Variants in MACROD1 observed in about 807,000 individuals in gnomAD.
MACROD1 encodes the protein ADP-ribose glycohydrolase MACROD1.
Under a neutral mutation model 41.4 loss-of-function variants are expected in MACROD1, and 31 were observed. The ratio of observed to expected loss-of-function variants is 0.75; its 90% CI spans 0.56 to 1.01. The LOEUF is 1.01. MACROD1 is among the 50% of genes least tolerant of loss of function. The pLI is 0.00. For synonymous variants in MACROD1, 252 were observed against 203.4 expected (o/e 1.24, Z -2.03); for missense variants, 473 against 460.0 (o/e 1.03, Z -0.26).
intron 3 of MACROD1, chr11:64,116,892 C>T (rs745498000): frequency 1.9e-6 from 3 of 1,611,514 alleles, no homozygotes; most frequent in Non-Finnish European, 2.5e-6. Context: ...GGATGACAAC[C>T]GCATCTCCAC....
intron 3 of MACROD1, among the ~76,000 whole-genome samples, chr11:64,143,898 C>T (rs1472783494): frequency 6.6e-6 from 1 of 151,864 alleles, no homozygotes; most frequent in Non-Finnish European, 1.5e-5. Flanking sequence ...CATCTCTGAG[C>T]CTCCATTTCA....
Position 64,105,744 on chromosome 11 carries a change from C to T in MACROD1, c.517+45495G>A, listed in dbSNP as rs549977223. Among the ~76,000 whole-genome samples the T allele has an allele frequency of 1.2e-3, 183 of 152,288 alleles. 3 individuals carry two copies. In the South Asian group the frequency reaches 0.036, roughly 30 times the overall value. On this transcript the variant is annotated intron_variant, in intron 3 of 10. Coordinates refer to ENST00000255681, the MANE Select transcript of MACROD1 (RefSeq NM_014067.4). ...TTGAGACACTGTTCCCCAGCATCCT[C>T]CCTGTGCCAAACCCCTGGGAAAGGG...
At chr11:64,160,123 G>A (rs1232498250) in intron 1 of MACROD1, among the ~76,000 whole-genome samples, 2 of 152,162 alleles carry the variant, frequency 1.3e-5, no homozygotes, top group Non-Finnish European at 2.9e-5. Flanking sequence ...AAACGCCCGG[G>A]GAAGGGGATC....
intron 3 of MACROD1, among the ~76,000 whole-genome samples, chr11:64,097,831 G>A (rs1467569369): frequency 2.0e-5 from 3 of 152,180 alleles, no homozygotes; most frequent in Non-Finnish European, 4.4e-5. Flanking sequence ...GCCTGGGGCT[G>A]CAGGCTGCAG....
intron 3 of MACROD1, among the ~76,000 whole-genome samples, chr11:64,140,651 T>C (rs1214817331): frequency 6.6e-6 from 1 of 152,198 alleles, no homozygotes; most frequent in African/African-American, 2.4e-5. Flanking sequence ...CCAGACACTG[T>C]ACTGAGCATC....
intron 3 of MACROD1, among the ~76,000 whole-genome samples, chr11:64,038,281 C>G (rs752447578): frequency 3.9e-5 from 6 of 152,182 alleles, no homozygotes; most frequent in Admixed American, 1.3e-4. Flanking sequence ...ACTGGGTGAC[C>G]CTGGGCCTGC....
chr11:64,034,595 G>C (rs1328396883), intron 3 of MACROD1, among the ~76,000 whole-genome samples: 1 of 152,218 alleles, frequency 6.6e-6, no homozygotes, highest in Non-Finnish European at 1.5e-5. Context: ...TCCCGGACTG[G>C]GCGCAAGAGG....
rs1027197879 is a variant in MACROD1 at position 64,036,989 on chromosome 11, G to A, written c.518-21708C>T. On this transcript the variant is annotated intron_variant, in intron 3 of 10. Transcript: ENST00000255681. This position sits in a 1 kb window ranked among gnomAD's most constrained non-coding sequence, Gnocchi z 5.6. ...AGAAAGTTGTGGAACAGGGACACCA[G>A]GGAGCTGCCACAGCCTTCCCGGTGG... Among the ~76,000 whole-genome samples the A allele has an allele frequency of 6.6e-6, 1 of 152,240 alleles. No individual in the cohort carries two copies. Among genetic ancestry groups the A allele is most frequent in the African/African-American group, 2.4e-5 (1 of 41,476 alleles).
In MACROD1 at chr11:63,999,564, G is replaced by C; in HGVS notation, c.787-4C>G. On this transcript the variant is annotated splice_polypyrimidine_tract_variant and splice_region_variant and intron_variant, in intron 6 of 10. Coordinates refer to ENST00000255681, the MANE Select transcript of MACROD1 (RefSeq NM_014067.4). Reference sequence around the variant, plus strand: ...CGGTGGAGATGCAGGGGAACGCCTGGGCGGGGAGGGGTGAGAGGGGGTTGG... The same window carrying C: ...CGGTGGAGATGCAGGGGAACGCCTGCGCGGGGAGGGGTGAGAGGGGGTTGG... The C allele has an allele frequency of 6.2e-7, 1 of 1,609,984 alleles. No homozygotes were observed. Among genetic ancestry groups the C allele is most frequent in the African/African-American group, 1.3e-5 (1 of 75,020 alleles).
At chr11:64,107,775 C>T (rs1483905364) in intron 3 of MACROD1, among the ~76,000 whole-genome samples, 1 of 152,142 alleles carries the variant, frequency 6.6e-6, no homozygotes, top group African/African-American at 2.4e-5. Flanking sequence ...AGGGTCATGG[C>T]ATCTAGTCCC....
Position 64,122,222 on chromosome 11 carries a change from C to T in MACROD1, c.517+29017G>A, listed in dbSNP as rs1328871133. Among the ~76,000 whole-genome samples, 2 of 152,252 alleles carry T rather than the reference C, an allele frequency of 1.3e-5. No homozygotes were observed. The highest frequency in any genetic ancestry group is 1.5e-5 in the Non-Finnish European group (1 of 68,044). ...CTCCTTCCCCCTCCCCACGGCCTCC[C>T]GCCACAGCCTCCATCTTCTCTAAAT... On this transcript the variant is annotated intron_variant, in intron 3 of 10. Transcript: ENST00000255681. This position sits in a 1 kb window ranked among gnomAD's most constrained non-coding sequence, Gnocchi z 4.0.
intron 3 of MACROD1, among the ~76,000 whole-genome samples, chr11:64,132,460 T>G (rs1241734697): frequency 6.6e-6 from 1 of 150,538 alleles, no homozygotes; most frequent in Non-Finnish European, 1.5e-5. Flanking sequence ...GGAAAGGGAT[T>G]GAAGTCCTCT....
intron 3 of MACROD1, among the ~76,000 whole-genome samples, chr11:64,029,862 C>T (rs1037956425): frequency 4.6e-5 from 7 of 152,122 alleles, no homozygotes; most frequent in South Asian, 2.1e-4. Flanking sequence ...TGGGAATGAT[C>T]GCTGAGAAGG....
At chr11:64,001,791 G>A (rs1037928311) in intron 4 of MACROD1, 8 of 701,262 alleles carry the variant, frequency 1.1e-5, no homozygotes, top group Non-Finnish European at 2.1e-5. Flanking sequence ...CGTCCAGGCT[G>A]GAGCTCCCAG....
Position 64,053,183 on chromosome 11 carries a change from CCTGGGGTGGGCGTG to C in MACROD1, c.518-37916_518-37903del, listed in dbSNP as rs1943725451. Among the ~76,000 whole-genome samples, 4 of 152,194 alleles carry C rather than the reference CCTGGGGTGGGCGTG, an allele frequency of 2.6e-5. No individual in the cohort carries two copies. In the East Asian group the frequency reaches 7.7e-4, roughly 29 times the overall value. ...GGAGAGCTGGGGCTGGGCTTGGGGCCCTGGGGTGGGCGTGCTGGGGAGCAGGGTGGGGTGAGGCT... is the reference window on the plus strand; with the variant it reads ...GGAGAGCTGGGGCTGGGCTTGGGGCCCTGGGGAGCAGGGTGGGGTGAGGCT... On this transcript the variant is annotated intron_variant, in intron 3 of 10. Transcript: ENST00000255681.
intron 3 of MACROD1, among the ~76,000 whole-genome samples, chr11:64,062,740 A>G (rs1307113333): frequency 6.6e-6 from 1 of 152,142 alleles, no homozygotes; most frequent in African/African-American, 2.4e-5. Context: ...ACCCAGGCTG[A>G]GGCCCCAGAT....
chr11:64,151,306 G>T lies in MACROD1; in HGVS notation c.450C>A (p.Leu150=), dbSNP rs769198351. 49 of 1,613,932 alleles carry T rather than the reference G, an allele frequency of 3.0e-5. No homozygotes were observed. Among genetic ancestry groups the T allele is most frequent in the Non-Finnish European group, 4.1e-5 (48 of 1,180,028 alleles). The change falls in exon 3 of 11, where the codon CTC becomes CTA. Residue 150 remains leucine, a synonymous_variant. Transcript: ENST00000255681. ...TGCGGAGCAGGGAGATTTTCTCATT[G>T]AGCTGCTTGTCCTTTTTATACCTGG... The part of the protein sequence containing the change: ...EEPRYKKDKQ[L]NEKISLLRSD...
chr11:64,073,001 G>A (rs187182274), intron 3 of MACROD1, among the ~76,000 whole-genome samples: 2 of 152,198 alleles, frequency 1.3e-5, no homozygotes, highest in African/African-American at 2.4e-5. Flanking sequence ...GCCCAGAGAG[G>A]GGTCGGGACC....
chr11:64,097,996 C>G (rs541501999), intron 3 of MACROD1, among the ~76,000 whole-genome samples: 1 of 152,284 alleles, frequency 6.6e-6, no homozygotes, highest in African/African-American at 2.4e-5. Context: ...CTGGGGGCCT[C>G]CCAAGTTGGC....
Sources: gnomAD v4.1 joint callset for allele counts (sites outside exome capture counted in the v4.1 genomes callset) on GRCh38, gnomAD v4.1.1 for gene constraint, Gnocchi (gnomAD v3.1) non-coding constraint, MANE v1.5 for transcripts, NCBI Gene and HGNC (gene_info 2026-07-23, HGNC 2026-07-21) for gene names.